Variants in CDH19 observed in about 807,000 individuals in gnomAD.
CDH19 encodes cadherin 19, also known as cadherin-19.
In CDH19, 67 loss-of-function variants were observed where a neutral mutation model predicts 64.2. The ratio of observed to expected loss-of-function variants is 1.04; its 90% CI spans 0.86 to 1.28. The LOEUF is 1.28. Ranked by LOEUF, CDH19 falls within the 50% of genes most tolerant of loss-of-function variation. The pLI is 0.00. For missense variants in CDH19, 1,030 were observed against 929.0 expected (o/e 1.11, Z -1.41); for synonymous variants, 346 against 319.3 (o/e 1.08, Z -0.89).
intron 7 of CDH19, among the ~76,000 whole-genome samples, chr18:66,538,509 A>AT (rs899086739): frequency 3.2e-4 from 48 of 151,584 alleles, no homozygotes; most frequent in Non-Finnish European, 1.0e-4. Context: ...TTGTTTGTTC[A>AT]TTTTTTTTAA....
intron 8 of CDH19, among the ~76,000 whole-genome samples, chr18:66,534,054 C>T (rs181253498): frequency 1.3e-4 from 19 of 151,592 alleles, no homozygotes; most frequent in African/African-American, 4.4e-4. Flanking sequence ...AATTTGTTAT[C>T]CAGTGTTATA....
intron 9 of CDH19, among the ~76,000 whole-genome samples, chr18:66,515,771 T>A (rs1402365794): frequency 4.6e-5 from 7 of 151,852 alleles, no homozygotes; most frequent in Non-Finnish European, 8.8e-5. Context: ...AAAATTCACA[T>A]AAAATCAGCA....
In CDH19 at chr18:66,586,935, A is replaced by G. The variant is rs774223162; in HGVS notation, c.-112-14619T>C. Among the ~76,000 whole-genome samples the G allele has an allele frequency of 3.3e-4, 50 of 152,210 alleles. No homozygotes were observed. The South Asian group carries it at 5.6e-3, about 17-fold the overall frequency. On this transcript the variant is annotated intron_variant, in intron 1 of 11. Coordinates refer to ENST00000262150, the MANE Select transcript of CDH19 (RefSeq NM_021153.4). ...ATTTAATCTATTTTTATCTTATATT[A>G]ACATTTTAATTTTATTAGTTAGTTA...
chr18:66,559,399 A>G (rs1215780564), intron 3 of CDH19, among the ~76,000 whole-genome samples: 1 of 151,984 alleles, frequency 6.6e-6, no homozygotes, highest in East Asian at 1.9e-4. Context: ...AATAATAAAA[A>G]GAAAAAAATG....
intron 9 of CDH19, among the ~76,000 whole-genome samples, chr18:66,512,512 T>G (rs901426666): frequency 2.6e-5 from 4 of 151,484 alleles, no homozygotes; most frequent in Non-Finnish European, 4.4e-5. Context: ...TAGCCTCAGA[T>G]GCAAGATGAC....
At position 66,554,466 on chromosome 18, in the gene CDH19, A is replaced by T; in HGVS notation, c.549T>A (p.Asn183Lys). 1 of 1,611,516 alleles carries T rather than the reference A, an allele frequency of 6.2e-7. No homozygotes were observed. Among genetic ancestry groups the T allele is most frequent in the Middle Eastern group, 1.7e-4 (1 of 6,048 alleles). ...SDADDPSSGN[N>K]ARLLYSLLQG... ...GAAGTAAGCTGTAGAGGAGACGAGC[A>T]TTATTACCACTTGAGGGATCGTCAG... The change falls in exon 4 of 12, where the codon AAT (asparagine) becomes AAA (lysine). Residue 183 changes from asparagine (N) to lysine (K), a missense_variant. By Grantham distance (94) the Asn-to-Lys change is moderately conservative. Transcript: ENST00000262150.
rs1987999781 is a variant in CDH19 at position 66,568,674 on chromosome 18, G to T, written c.232C>A (p.Gln78Lys). 5.0e-6 allele frequency: 8 copies of T among 1,609,838 alleles called. No individual in the cohort carries two copies. Among genetic ancestry groups the T allele is most frequent in the Non-Finnish European group, 6.8e-6 (8 of 1,178,344 alleles). ...SDLDNGNNSF[Q>K]YKLLGAGAGS... The stretch of plus-strand genomic sequence containing the variant: ...GCTCCAGCTCCCAAAAGCTTGTACT[G>T]GAAAGAATTGTTTCCATTGTCTAAA... Residue 78 changes from glutamine to lysine, a missense_variant, in exon 3 of 12, where the codon CAG (glutamine) becomes AAG (lysine). Gln to Lys is a moderately conservative substitution (Grantham distance 53). Transcript: ENST00000262150.
At chr18:66,510,667 A>C (rs1399410031) in intron 10 of CDH19, among the ~76,000 whole-genome samples, 6 of 150,246 alleles carry the variant, frequency 4.0e-5, no homozygotes, top group Non-Finnish European at 8.9e-5. Flanking sequence ...TTACATGGCT[A>C]AATTTTGTGG....
At chr18:66,596,926 C>T (rs1180497653) in intron 1 of CDH19, among the ~76,000 whole-genome samples, 3 of 148,466 alleles carry the variant, frequency 2.0e-5, no homozygotes, top group East Asian at 2.0e-4. Context: ...ACTAAAAATA[C>T]AAAAAATTAG....
chr18:66,603,129 CTATT>C (rs1392446017), intron 1 of CDH19, among the ~76,000 whole-genome samples: 1 of 150,520 alleles, frequency 6.6e-6, no homozygotes, highest in African/African-American at 2.4e-5. Flanking sequence ...CTTTGCCACT[CTATT>C]TAGGTATTTT....
chr18:66,510,797 G>C (rs1485949676), intron 10 of CDH19, among the ~76,000 whole-genome samples: 1 of 151,362 alleles, frequency 6.6e-6, no homozygotes, highest in Non-Finnish European at 1.5e-5. Flanking sequence ...GAAAGGTGTT[G>C]CATTTACTCT....
intron 1 of CDH19, among the ~76,000 whole-genome samples, chr18:66,585,530 T>C (rs1047190779): frequency 1.3e-5 from 2 of 152,090 alleles, no homozygotes; most frequent in African/African-American, 4.8e-5. Context: ...AAGGTCTGTG[T>C]TCTTGATGAA....
Position 66,529,827 on chromosome 18 carries a change from T to A in CDH19, c.1458+18A>T. On this transcript the variant is annotated intron_variant, in intron 9 of 11. Transcript: ENST00000262150. ...ATGATATATTGTTTAGACTTTGTAA[T>A]TTATAATGAGTCCTTACCTGACCAG... is the stretch of plus-strand genomic sequence containing the variant. 6.6e-7 allele frequency: 1 copy of A among 1,524,196 alleles called. No homozygotes were observed. 94.4% of individuals were successfully genotyped at this position (1,524,196 alleles called of 1,614,324 possible).
At position 66,582,677 on chromosome 18, in the gene CDH19, C is replaced by T. The variant is rs544266628; in HGVS notation, c.-112-10361G>A. On this transcript the variant is annotated intron_variant, in intron 1 of 11. Coordinates refer to ENST00000262150, the MANE Select transcript of CDH19 (RefSeq NM_021153.4). Reference sequence around the variant, plus strand: ...AAAAAAAAAAAGCCCTCTGGGACAGCTACAGCAGTGTGAGTCAGAATAGCT... The same window carrying T: ...AAAAAAAAAAAGCCCTCTGGGACAGTTACAGCAGTGTGAGTCAGAATAGCT... Among the ~76,000 whole-genome samples, 20 of 143,554 alleles carry T rather than the reference C, an allele frequency of 1.4e-4. No homozygotes were observed. The South Asian group carries it at 4.5e-3, about 32-fold the overall frequency. The allele number at this position is 143,554 out of a possible 152,430, so 94.2% of individuals were successfully genotyped here.
At chr18:66,599,946 A>G (rs1988998254) in intron 1 of CDH19, among the ~76,000 whole-genome samples, 1 of 151,994 alleles carries the variant, frequency 6.6e-6, no homozygotes, top group South Asian at 2.1e-4. Flanking sequence ...ATATGTATCA[A>G]CTTAAGGAAG....
At chr18:66,592,586 C>T (rs1170823432) in intron 1 of CDH19, among the ~76,000 whole-genome samples, 6 of 151,714 alleles carry the variant, frequency 4.0e-5, no homozygotes, top group African/African-American at 1.5e-4. Context: ...CACTCTATTT[C>T]TGTTAGCTTA....
chr18:66,582,930 G>C lies in CDH19; in HGVS notation c.-112-10614C>G, dbSNP rs868778383. On this transcript the variant is annotated intron_variant, in intron 1 of 11. Transcript: ENST00000262150. The stretch of plus-strand genomic sequence containing the variant: ...GTGTGCAAAAGTTCTAAAATGAAAA[G>C]AGATAGATTCCAATTGGTTAAATAA... Among the ~76,000 whole-genome samples the C allele has an allele frequency of 1.2e-4, 19 of 152,176 alleles. 1 individual carries two copies. Among genetic ancestry groups the C allele is most frequent in the Middle Eastern group, 3.4e-3 (1 of 294 alleles).
intron 5 of CDH19, among the ~76,000 whole-genome samples, chr18:66,548,203 A>C (rs1987204674): frequency 6.8e-6 from 1 of 146,982 alleles, no homozygotes; most frequent in Non-Finnish European, 1.5e-5. Context: ...ATATACACTT[A>C]ACTGAGCTCC....
chr18:66,570,357 A>C (rs1025258012), intron 2 of CDH19, among the ~76,000 whole-genome samples: 1 of 151,724 alleles, frequency 6.6e-6, no homozygotes, highest in African/African-American at 2.4e-5. Flanking sequence ...CCAGCCTTTT[A>C]ATGTCATAAA....
Sources: gnomAD v4.1 joint callset for allele counts (sites outside exome capture counted in the v4.1 genomes callset) on GRCh38, gnomAD v4.1.1 for gene constraint, MANE v1.5 for transcripts, NCBI Gene and HGNC (gene_info 2026-07-23, HGNC 2026-07-21) for gene names.